NUP107: variants seen among roughly 807,000 people sequenced by gnomAD.
The protein encoded by NUP107 is nucleoporin 107.
A neutral mutation model predicts 141.0 loss-of-function variants in NUP107; 101 were observed. The ratio of observed to expected loss-of-function variants is 0.72; its 90% CI spans 0.61 to 0.84. The LOEUF (loss-of-function observed/expected upper bound fraction) is 0.84. Among genes scored for constraint, NUP107 ranks in the 40% least tolerant of loss-of-function variants. NUP107 has a pLI of 0.00. For missense variants in NUP107, 941 were observed against 1,102.7 expected (o/e 0.85, Z 2.08); for synonymous variants, 319 against 363.9 (o/e 0.88, Z 1.41).
chr12:68,692,232 CTT>C, intron 5 of NUP107, 120 bp downstream of exon 5: 1 of 1,071,000 alleles, frequency 9.3e-7, no homozygotes, highest in Non-Finnish European at 1.3e-6. Context: ...GTCTTTTTTT[CTT>C]GAGAGAGTAG....
intron 1 of NUP107, chr12:68,687,538 C>T (rs1185156595): frequency 2.0e-6 from 2 of 991,984 alleles, no homozygotes; most frequent in Non-Finnish European, 2.4e-6. Context: ...TATTCAAGAT[C>T]CTTCCCCTCG....
intron 23 of NUP107, 63 bp downstream of exon 23, chr12:68,732,802 C>A (rs990333183): frequency 8.7e-7 from 1 of 1,150,714 alleles, no homozygotes; most frequent in East Asian, 2.5e-5. Flanking sequence ...ACCTCAGCCT[C>A]CCAAGTAGCT....
At chr12:68,732,554 A>G in intron 22 of NUP107, 83 bp from the exon 23 acceptor site, 2 of 700,398 alleles carry the variant, frequency 2.9e-6, no homozygotes, top group Admixed American at 2.9e-5. Context: ...GTACAGGTGT[A>G]AGTTAATTCT....
At position 68,743,039 on chromosome 12, in the gene NUP107, G is replaced by C. The variant is rs1878386703; in HGVS notation, c.*577G>C. The C allele has an allele frequency of 6.6e-6, 1 of 152,206 alleles. No individual in the cohort carries two copies. The highest frequency in any genetic ancestry group is 1.5e-5 in the Non-Finnish European group (1 of 68,054). The allele number at this position is 152,206 out of a possible 1,614,324, so 9.4% of individuals were successfully genotyped here. On this transcript the variant is annotated 3_prime_UTR_variant, in exon 28 of 28. Coordinates refer to ENST00000229179, the MANE Select transcript of NUP107 (RefSeq NM_020401.4). Reference sequence around the variant, plus strand: ...CACAGTAAGCACTGAATATATTGGAGATTACAGATCCCGCTCTTCTAATAG... The same window carrying C: ...CACAGTAAGCACTGAATATATTGGACATTACAGATCCCGCTCTTCTAATAG...
rs11177350 is a variant in NUP107 at position 68,743,144 on chromosome 12, C to T, written c.*682C>T. The T allele has an allele frequency of 0.22, 33,170 of 152,192 alleles. 4,236 individuals carry two copies. The highest frequency in any genetic ancestry group is 0.3 in the Middle Eastern group (89 of 294). 9.4% of individuals were successfully genotyped at this position (152,192 alleles called of 1,614,324 possible). The stretch of plus-strand genomic sequence containing the variant: ...TGGGTGCAGTGGCTCACGTCTGTAA[C>T]CCCAGCACTTCGGGAGGCCGAGGCA... On this transcript the variant is annotated 3_prime_UTR_variant, in exon 28 of 28. Transcript: ENST00000229179.
intron 10 of NUP107, among the ~76,000 whole-genome samples, chr12:68,712,051 C>T (rs1876880582): frequency 6.6e-6 from 1 of 152,068 alleles, no homozygotes; most frequent in Admixed American, 6.6e-5. Flanking sequence ...CTCTTCAGTA[C>T]TTCTAAATTA....
chr12:68,712,343 C>T (rs1348932912), intron 10 of NUP107, among the ~76,000 whole-genome samples: 11 of 142,506 alleles, frequency 7.7e-5, no homozygotes, highest in South Asian at 2.2e-4. Flanking sequence ...ATTAGCCAGT[C>T]GTGGTGGCGG....
intron 8 of NUP107, among the ~76,000 whole-genome samples, chr12:68,703,054 C>T (rs1876411566): frequency 6.6e-6 from 1 of 152,048 alleles, no homozygotes; most frequent in South Asian, 2.1e-4. Flanking sequence ...TCATGTTGGC[C>T]AAGCTGGTCT....
chr12:68,689,790 T>G, intron 3 of NUP107, 171 bp downstream of exon 3: 9 of 541,424 alleles, frequency 1.7e-5, no homozygotes, highest in South Asian at 7.6e-5. Flanking sequence ...GTACTGTACT[T>G]TCCATAAACA....
chr12:68,732,662 T>C lies in NUP107; in HGVS notation c.2024T>C (p.Ile675Thr), dbSNP rs1027934902. ...TEEDRLKIDVIDWLVFDPAQR... is the reference protein window; with the variant it reads ...TEEDRLKIDVTDWLVFDPAQR... ...GAGGATCGTTTAAAAATTGATGTAATTGACTGGTTGGTATTTGACCCAGCG... is the reference window on the plus strand; with the variant it reads ...GAGGATCGTTTAAAAATTGATGTAACTGACTGGTTGGTATTTGACCCAGCG... The change falls in exon 23 of 28, where the codon ATT (isoleucine) becomes ACT (threonine). Residue 675 changes from isoleucine (I) to threonine (T), a missense_variant. Transcript: ENST00000229179. The C allele has an allele frequency of 6.2e-7, 1 of 1,600,274 alleles. No individual in the cohort carries two copies. The highest frequency in any genetic ancestry group is 8.5e-7 in the Non-Finnish European group (1 of 1,170,796).
intron 10 of NUP107, among the ~76,000 whole-genome samples, chr12:68,712,418 CAAAA>C (rs745430819): frequency 6.7e-4 from 43 of 63,830 alleles, no homozygotes; most frequent in African/African-American, 2.5e-3. Context: ...AACTCCATCT[CAAAA>C]AAAAAAAAAA....
chr12:68,699,679 A>G (rs369390387), intron 6 of NUP107, among the ~76,000 whole-genome samples: 1 of 152,172 alleles, frequency 6.6e-6, no homozygotes, highest in Non-Finnish European at 1.5e-5. Context: ...ATACTTATTA[A>G]GGGGTGGGAA....
intron 17 of NUP107, 127 bp from the exon 18 acceptor site, chr12:68,725,600 C>T (rs143755591): frequency 1.7e-6 from 1 of 584,970 alleles, no homozygotes; most frequent in Admixed American, 3.6e-5. Flanking sequence ...CTTTCTAAGG[C>T]CCTTCATTTC....
At position 68,688,997 on chromosome 12, in the gene NUP107, G is replaced by T. The variant is rs1341739376; in HGVS notation, c.44G>T (p.Arg15Leu). 3 of 1,613,576 alleles carry T rather than the reference G, an allele frequency of 1.9e-6. No homozygotes were observed. The highest frequency in any genetic ancestry group is 2.5e-6 in the Non-Finnish European group (3 of 1,179,714). Residue 15 changes from arginine (R) to leucine (L), a missense_variant, in exon 2 of 28, where the codon CGG becomes CTG. By Grantham distance (102) the Arg-to-Leu change is moderately radical. Transcript: ENST00000229179. ...GGAGAGATATCATCCCCTGTAATCCGGGAGGCAGAGGTGACACGGACTGCA... is the reference window on the plus strand; with the variant it reads ...GGAGAGATATCATCCCCTGTAATCCTGGAGGCAGAGGTGACACGGACTGCA... ...GFGEISSPVI[R>L]EAEVTRTARK...
intron 4 of NUP107, among the ~76,000 whole-genome samples, chr12:68,691,069 C>T (rs1267402152): frequency 1.3e-5 from 2 of 151,998 alleles, no homozygotes; most frequent in African/African-American, 4.8e-5. Context: ...AAGAACTTCT[C>T]CCTTTTTATA....
At chr12:68,696,961 AT>A (rs761147641) in intron 6 of NUP107, 39 bp downstream of exon 6, 2 of 1,291,738 alleles carry the variant, frequency 1.5e-6, no homozygotes, top group Admixed American at 1.9e-5. Context: ...AAACTTCAGT[AT>A]TTTTAGTTTT....
At chr12:68,719,494 T>G in intron 13 of NUP107, 63 bp downstream of exon 13, 1 of 1,559,622 alleles carries the variant, frequency 6.4e-7, no homozygotes, top group Non-Finnish European at 8.8e-7. Flanking sequence ...AATGCCAATC[T>G]TTGTGAACTA....
In NUP107 at chr12:68,706,176, A is replaced by G. The variant is rs1592501167; in HGVS notation, c.730-3062A>G. ...GAGGACTTCAAGAACAAGTACGAGG[A>G]TGATATCAAAAAGCATACAGAGATG... is the stretch of plus-strand genomic sequence containing the variant. On this transcript the variant is annotated intron_variant, in intron 8 of 27. Transcript: ENST00000229179. The G allele has an allele frequency of 1.3e-5, 10 of 766,732 alleles. No homozygotes were observed. In the East Asian group the frequency reaches 2.4e-4, roughly 19 times the overall value. The allele number at this position is 766,732 out of a possible 1,614,324, so 47.5% of individuals were successfully genotyped here.
intron 1 of NUP107, chr12:68,687,614 G>A: frequency 1.0e-6 from 1 of 985,866 alleles, no homozygotes; most frequent in Non-Finnish European, 1.2e-6. Context: ...GGGCGATTAA[G>A]TCTCCTTGTC....
Sources: allele counts gnomAD v4.1 joint callset (sites outside exome capture counted in the v4.1 genomes callset), GRCh38; gene constraint gnomAD v4.1.1; transcripts MANE v1.5; gene names NCBI Gene and HGNC (gene_info 2026-07-23, HGNC 2026-07-21).